The following PCNX1 variants were observed in gnomAD, a reference collection of about 807,000 sequenced individuals.
PCNX1 encodes the protein pecanex 1.
In PCNX1, 78 loss-of-function variants were observed where a neutral mutation model predicts 242.2. That is an observed-to-expected ratio of 0.32 (90% CI 0.27 to 0.39). The LOEUF is 0.39. Ranked by LOEUF, PCNX1 falls within the 10% of genes least tolerant of loss-of-function variation. The pLI is 1.00. For synonymous variants in PCNX1, 1,024 were observed against 1,032.9 expected (o/e 0.99, Z 0.17); for missense variants, 2,581 against 2,856.5 (o/e 0.90, Z 2.20).
intron 24 of PCNX1, 109 bp from the exon 25 acceptor site, chr14:71,055,395 A>C: frequency 1.6e-6 from 1 of 639,666 alleles, no homozygotes. Flanking sequence ...AGATTTTCAT[A>C]AAGTGATAAC....
chr14:71,013,807 A>C (rs1397298353), intron 11 of PCNX1, among the ~76,000 whole-genome samples: 1 of 152,210 alleles, frequency 6.6e-6, no homozygotes, highest in African/African-American at 2.4e-5. Context: ...GAGAGTTTCT[A>C]GGCTGCAAGA....
At chr14:70,961,564 A>C (rs2058215401) in intron 2 of PCNX1, among the ~76,000 whole-genome samples, 1 of 152,186 alleles carries the variant, frequency 6.6e-6, no homozygotes, top group East Asian at 1.9e-4. Flanking sequence ...CTTTGAACCT[A>C]GTACTTTTCT....
intron 6 of PCNX1, among the ~76,000 whole-genome samples, chr14:70,981,113 A>T (rs2058826861): frequency 6.6e-6 from 1 of 152,048 alleles, no homozygotes; most frequent in African/African-American, 2.4e-5. Flanking sequence ...CTACTTACAA[A>T]CCTCAGCTTC....
chr14:71,089,197 T>C lies in PCNX1; in HGVS notation c.5444T>C (p.Leu1815Ser). The C allele has an allele frequency of 6.2e-7, 1 of 1,606,124 alleles. No homozygotes were observed. The highest frequency in any genetic ancestry group is 1.1e-5 in the South Asian group (1 of 90,172). ...TTTATCTCCAATCTTAACAGTAATT[T>C]AGAGTCATTCCTCTATGGATTGCAT... Reference protein sequence around the residue: ...GTASHHMSSNLESFLYGLHAL... With the variant: ...GTASHHMSSNSESFLYGLHAL... Residue 1815 changes from leucine to serine, a missense_variant, in exon 30 of 36, where the codon TTA (leucine) becomes TCA (serine). Leu to Ser is a moderately radical substitution (Grantham distance 145). Coordinates refer to ENST00000304743, the MANE Select transcript of PCNX1 (RefSeq NM_014982.3).
intron 24 of PCNX1, among the ~76,000 whole-genome samples, chr14:71,054,031 G>T (rs1430975041): frequency 6.6e-6 from 1 of 152,142 alleles, no homozygotes; most frequent in African/African-American, 2.4e-5. Context: ...TGATTTGCCT[G>T]CCTTGGCCTC....
intron 1 of PCNX1, among the ~76,000 whole-genome samples, chr14:70,911,182 A>T (rs374360031): frequency 6.6e-6 from 1 of 152,324 alleles, no homozygotes; most frequent in South Asian, 2.1e-4. Flanking sequence ...TAACCCCGTG[A>T]CCTCATGAGG....
At chr14:70,924,251 A>C (rs570131066) in intron 1 of PCNX1, among the ~76,000 whole-genome samples, 1 of 147,250 alleles carries the variant, frequency 6.8e-6, no homozygotes, top group African/African-American at 2.5e-5. Context: ...AAAAAAAAAG[A>C]AAAAGAAAAA....
At chr14:70,943,481 C>T (rs762618121) in intron 1 of PCNX1, among the ~76,000 whole-genome samples, 3 of 152,140 alleles carry the variant, frequency 2.0e-5, no homozygotes, top group Non-Finnish European at 4.4e-5. Flanking sequence ...ATCTGTGGAA[C>T]TTTGAACTTG....
chr14:71,026,185 C>T lies in PCNX1; in HGVS notation c.3252C>T (p.Leu1084=). ...YFCICCGLIW[L]LDYGSRNLTA... Reference sequence around the variant, plus strand: ...GCATATGTTGCGGTCTTATTTGGCTCTTGGATTATGGTAGCAGAAACCTGA... The same window carrying T: ...GCATATGTTGCGGTCTTATTTGGCTTTTGGATTATGGTAGCAGAAACCTGA... The change falls in exon 14 of 36, where the codon CTC becomes CTT. Residue 1084 remains leucine (L), a synonymous_variant. Transcript: ENST00000304743. 2 of 1,611,290 alleles carry T rather than the reference C, an allele frequency of 1.2e-6. No homozygotes were observed. Among genetic ancestry groups the T allele is most frequent in the Non-Finnish European group, 1.7e-6 (2 of 1,178,090 alleles).
intron 26 of PCNX1, among the ~76,000 whole-genome samples, chr14:71,059,710 A>G (rs1160657186): frequency 3.3e-5 from 5 of 152,146 alleles, no homozygotes; most frequent in Non-Finnish European, 1.5e-5. Context: ...TTTTAAAGAC[A>G]CATTTGATCA....
chr14:71,111,850 A>AAAAGT lies in PCNX1; in HGVS notation c.*1917_*1921dup, dbSNP rs2062758900. ...CAAATGATTTACTGAACCTTTATACAAAAGTACCCTTTCTAAATTGACCAT... is the reference window on the plus strand; with the variant it reads ...CAAATGATTTACTGAACCTTTATACAAAAGTAAAGTACCCTTTCTAAATTGACCAT... On this transcript the variant is annotated 3_prime_UTR_variant, in exon 36 of 36. Coordinates refer to ENST00000304743, the MANE Select transcript of PCNX1 (RefSeq NM_014982.3). The AAAAGT allele has an allele frequency of 6.6e-6, 1 of 152,372 alleles. No homozygotes were observed. Among genetic ancestry groups the AAAAGT allele is most frequent in the Non-Finnish European group, 1.5e-5 (1 of 67,954 alleles). The allele number at this position is 152,372 out of a possible 1,614,324, so 9.4% of individuals were successfully genotyped here.
At position 70,977,779 on chromosome 14, in the gene PCNX1, G is replaced by A. The variant is rs1175383654; in HGVS notation, c.1442G>A (p.Gly481Asp). The A allele has an allele frequency of 1.2e-6, 2 of 1,614,136 alleles. No individual in the cohort carries two copies. Among genetic ancestry groups the A allele is most frequent in the Middle Eastern group, 1.6e-4 (1 of 6,062 alleles). ...TPSDEMHNQRGLSTSASEEAN... is the reference protein window; with the variant it reads ...TPSDEMHNQRDLSTSASEEAN... ...TCTGATGAGATGCACAACCAGAGAGGTCTCAGCACCTCTGCATCTGAAGAA... is the reference window on the plus strand; with the variant it reads ...TCTGATGAGATGCACAACCAGAGAGATCTCAGCACCTCTGCATCTGAAGAA... Residue 481 changes from glycine (G) to aspartate (D), a missense_variant, in exon 6 of 36, where the codon GGT (glycine) becomes GAT (aspartate). Transcript: ENST00000304743.
At chr14:70,986,401 T>C (rs571504333) in intron 6 of PCNX1, among the ~76,000 whole-genome samples, 1 of 152,320 alleles carries the variant, frequency 6.6e-6, no homozygotes, top group African/African-American at 2.4e-5. Flanking sequence ...CATCATAATA[T>C]GCAGCTATTT....
chr14:71,027,228 A>G (rs1237084218), intron 15 of PCNX1: 1 of 159,044 alleles, frequency 6.3e-6, no homozygotes, highest in Non-Finnish European at 1.4e-5. Context: ...GGTTTGATAC[A>G]TAGCATTATA....
chr14:71,051,282 G>T (rs2061028490), intron 23 of PCNX1, among the ~76,000 whole-genome samples: 1 of 147,296 alleles, frequency 6.8e-6, no homozygotes, highest in Non-Finnish European at 1.5e-5. Context: ...CTGAACATAA[G>T]AAAACTATAC....
At chr14:70,951,998 GACTTC>G (rs2057801226) in intron 2 of PCNX1, among the ~76,000 whole-genome samples, 1 of 152,186 alleles carries the variant, frequency 6.6e-6, no homozygotes, top group African/African-American at 2.4e-5. Context: ...ACAGAATGTA[GACTTC>G]ACACTCAGTC....
At chr14:71,106,568 A>G (rs2062628163) in intron 33 of PCNX1, among the ~76,000 whole-genome samples, 2 of 150,314 alleles carry the variant, frequency 1.3e-5, no homozygotes, top group African/African-American at 2.4e-5. Context: ...TTTTTAAACC[A>G]GTTGGTACTC....
intron 8 of PCNX1, among the ~76,000 whole-genome samples, chr14:71,005,579 G>A (rs904069430): frequency 3.3e-5 from 5 of 152,062 alleles, no homozygotes; most frequent in African/African-American, 1.2e-4. Context: ...AATTCTTGAT[G>A]TACTCAACTT....
chr14:70,952,103 ACT>A (rs1454632734), intron 2 of PCNX1, among the ~76,000 whole-genome samples: 7 of 152,052 alleles, frequency 4.6e-5, no homozygotes, highest in Non-Finnish European at 8.8e-5. Flanking sequence ...AAATAATGGA[ACT>A]CTCTCATAGG....
Sources: gnomAD v4.1 joint callset for allele counts (sites outside exome capture counted in the v4.1 genomes callset) on GRCh38, gnomAD v4.1.1 for gene constraint, MANE v1.5 for transcripts, NCBI Gene and HGNC (gene_info 2026-07-23, HGNC 2026-07-21) for gene names.